Variants in PDE4D observed in about 807,000 individuals in gnomAD.
The protein encoded by PDE4D is phosphodiesterase 4D.
In PDE4D, 24 loss-of-function variants were observed where a neutral mutation model predicts 87.4. The ratio of observed to expected loss-of-function variants is 0.27; its 90% CI spans 0.20 to 0.39. PDE4D has a LOEUF of 0.39. Among genes scored for constraint, PDE4D ranks in the 10% least tolerant of loss-of-function variants. PDE4D has a pLI of 1.00. For missense variants in PDE4D, 714 were observed against 1,041.0 expected (o/e 0.69, Z 4.32); for synonymous variants, 384 against 383.2 (o/e 1.00, Z -0.02).
intron 1 of PDE4D, among the ~76,000 whole-genome samples, chr5:59,306,315 T>C (rs1771347217): frequency 6.6e-6 from 1 of 152,168 alleles, no homozygotes; most frequent in African/African-American, 2.4e-5. Context: ...AGGCAGCAGA[T>C]AGTTGGTTGG....
At chr5:60,082,825 C>T (rs1774101029) in intron 2 of PDE4D, among the ~76,000 whole-genome samples, 1 of 151,776 alleles carries the variant, frequency 6.6e-6, no homozygotes, top group African/African-American at 2.4e-5. Context: ...GCTGGCCTCC[C>T]ATCAGTTCCT....
intron 1 of PDE4D, among the ~76,000 whole-genome samples, chr5:60,430,435 T>C (rs923986445): frequency 7.2e-5 from 11 of 151,888 alleles, no homozygotes; most frequent in Admixed American, 5.2e-4. Flanking sequence ...AGCTTTCCCT[T>C]CTGCCTCGCA....
intron 1 of PDE4D, among the ~76,000 whole-genome samples, chr5:59,709,199 T>A (rs1194832135): frequency 6.6e-6 from 1 of 152,094 alleles, no homozygotes. Context: ...GGAAAAAGAA[T>A]TCATGTTGAG....
At position 60,126,543 on chromosome 5, in the gene PDE4D, A is replaced by G. The variant is rs1050721488; in HGVS notation, c.42+59014T>C. ...TGTTCAAGGCAGTCTTAATATATCAATAAAAACCCTCCTTCTAAATAGCAA... is the reference window on the plus strand; with the variant it reads ...TGTTCAAGGCAGTCTTAATATATCAGTAAAAACCCTCCTTCTAAATAGCAA... On this transcript the variant is annotated intron_variant, in intron 2 of 16. Transcript: ENST00000502484. Among the ~76,000 whole-genome samples, 15 of 152,358 alleles carry G rather than the reference A, an allele frequency of 9.8e-5. No homozygotes were observed. In the South Asian group the frequency reaches 1.0e-3, roughly 11 times the overall value.
At chr5:59,652,042 C>G (rs116179296) in intron 1 of PDE4D, among the ~76,000 whole-genome samples, 1 of 152,186 alleles carries the variant, frequency 6.6e-6, no homozygotes, top group African/African-American at 2.4e-5. Flanking sequence ...ATGCCAGCTT[C>G]GGAACTGTCT....
intron 1 of PDE4D, chr5:59,592,148 T>C: frequency 1.0e-6 from 1 of 984,410 alleles, no homozygotes; most frequent in Non-Finnish European, 1.2e-6. Flanking sequence ...AGAAAGCCAA[T>C]CCCCCAGGAA....
intron 1 of PDE4D, among the ~76,000 whole-genome samples, chr5:59,598,386 A>C (rs1005578468): frequency 6.6e-6 from 1 of 152,202 alleles, no homozygotes; most frequent in Admixed American, 6.5e-5. Flanking sequence ...AACATAGCAC[A>C]TGACAAAAAA....
At chr5:59,669,786 A>C (rs1303558849) in intron 1 of PDE4D, among the ~76,000 whole-genome samples, 1 of 152,074 alleles carries the variant, frequency 6.6e-6, no homozygotes, top group Non-Finnish European at 1.5e-5. Flanking sequence ...CACCCCCCCC[A>C]ATAGTCCAGA....
chr5:59,706,917 A>G (rs1284559945), intron 1 of PDE4D, among the ~76,000 whole-genome samples: 1 of 152,204 alleles, frequency 6.6e-6, no homozygotes, highest in Non-Finnish European at 1.5e-5. Flanking sequence ...GCTTTTTATT[A>G]TGGACAATGA....
chr5:59,959,131 C>CACAG (rs1271470663), intron 3 of PDE4D, among the ~76,000 whole-genome samples: 2 of 151,390 alleles, frequency 1.3e-5, no homozygotes, highest in Non-Finnish European at 3.0e-5. Flanking sequence ...CACACACACA[C>CACAG]AAATACCTAG....
chr5:59,896,590 G>A (rs144648845), upstream of PDE4D, among the ~76,000 whole-genome samples: 257 of 152,280 alleles, frequency 1.7e-3, 1 homozygote, highest in Middle Eastern at 6.8e-3. Context: ...ATTTCTAGGG[G>A]AGGATCAAGG....
chr5:59,671,531 G>C (rs1354910555), intron 1 of PDE4D, among the ~76,000 whole-genome samples: 1 of 152,140 alleles, frequency 6.6e-6, no homozygotes, highest in East Asian at 1.9e-4. Flanking sequence ...TTTACAGCCA[G>C]GCATGACGAC....
intron 3 of PDE4D, among the ~76,000 whole-genome samples, chr5:59,916,949 G>A (rs972625776): frequency 5.6e-5 from 8 of 142,630 alleles, no homozygotes; most frequent in South Asian, 2.2e-4. Flanking sequence ...CACCATGCCC[G>A]GCTAATTTTT....
At chr5:59,550,702 A>T (rs1583079309) in intron 1 of PDE4D, among the ~76,000 whole-genome samples, 2 of 146,258 alleles carry the variant, frequency 1.4e-5, no homozygotes, top group Admixed American at 6.8e-5. Flanking sequence ...ATTTCTAAGA[A>T]TTTTTTTTTT....
intron 6 of PDE4D, among the ~76,000 whole-genome samples, chr5:59,010,050 G>A (rs1174846357): frequency 6.6e-6 from 1 of 152,184 alleles, no homozygotes; most frequent in Non-Finnish European, 1.5e-5. Flanking sequence ...GGTTGGCAGG[G>A]CGCTGTGGCT....
intron 1 of PDE4D, among the ~76,000 whole-genome samples, chr5:60,337,347 C>T (rs1392022278): frequency 1.6e-5 from 1 of 61,246 alleles, no homozygotes; most frequent in Non-Finnish European, 2.9e-5. Context: ...AACAAACAAA[C>T]AAACTATATA....
Position 60,109,334 on chromosome 5 carries a change from A to T in PDE4D, c.42+76223T>A, listed in dbSNP as rs374247786. Among the ~76,000 whole-genome samples the T allele has an allele frequency of 5.5e-3, 832 of 151,774 alleles. 3 individuals carry two copies. Among genetic ancestry groups the T allele is most frequent in the Middle Eastern group, 0.027 (8 of 294 alleles). On this transcript the variant is annotated intron_variant, in intron 2 of 16. Coordinates refer to the PDE4D transcript ENST00000502484. ...AGATACCATCTCACACCAGTTAGAA[A>T]GGCAATCATTAAAAAGTCAGGAAAC...
intron 11 of PDE4D, among the ~76,000 whole-genome samples, chr5:58,988,135 A>G (rs1389095696): frequency 6.6e-6 from 1 of 152,196 alleles, no homozygotes; most frequent in Non-Finnish European, 1.5e-5. Flanking sequence ...TGACCTACAT[A>G]AAGTGAGGAA....
At chr5:59,668,659 G>T (rs191197017) in intron 1 of PDE4D, among the ~76,000 whole-genome samples, 1 of 151,464 alleles carries the variant, frequency 6.6e-6, no homozygotes, top group Non-Finnish European at 1.5e-5. Flanking sequence ...AGTGAGCCAT[G>T]ATTGCACCAC....
Sources: gnomAD v4.1 joint callset for allele counts (sites outside exome capture counted in the v4.1 genomes callset) on GRCh38, gnomAD v4.1.1 for gene constraint, MANE v1.5 for transcripts, NCBI Gene and HGNC (gene_info 2026-07-23, HGNC 2026-07-21) for gene names.